The following SAMD4B variants were observed in gnomAD, a reference collection of about 807,000 sequenced individuals.
SAMD4B encodes the protein protein Smaug homolog 2.
In SAMD4B, 5 loss-of-function variants were observed where a neutral mutation model predicts 74.5. The ratio of observed to expected loss-of-function variants is 0.07; its 90% confidence interval spans 0.04 to 0.14. The LOEUF (loss-of-function observed/expected upper bound fraction) is 0.14, where lower values mean the gene tolerates loss of function less well. SAMD4B is among the 10% of genes least tolerant of loss of function. SAMD4B has a pLI of 1.00. For synonymous variants in SAMD4B, 373 were observed against 374.9 expected, an observed-to-expected ratio of 1.00 and a Z score of 0.06; for missense variants, 608 against 921.8, an observed-to-expected ratio of 0.66 and a Z score of 4.41.
At chr19:39,355,887 A>G (rs981837611) in intron 2 of SAMD4B, among the ~76,000 whole-genome samples, 4 of 152,172 alleles carry the variant, frequency 2.6e-5, no homozygotes, top group African/African-American at 4.8e-5. Flanking sequence ...GGACTTCCCA[A>G]CCAGAGAGTT....
At position 39,383,398 on chromosome 19, in the gene SAMD4B, TC is replaced by T; in HGVS notation, c.2057-99del. On this transcript the variant is annotated intron_variant, in intron 13 of 13. Coordinates refer to ENST00000610417, the MANE Select transcript of SAMD4B (RefSeq NM_001384574.2). This position sits in a 1 kb window ranked among gnomAD's most constrained non-coding sequence, Gnocchi z 4.1. ...GAGGGGTCCCCAGGGGAGGCCAGAC[TC>T]CAGGGAGGGCCTGACTGGGATGACA... 6.4e-7 allele frequency: 1 copy of T among 1,567,372 alleles called. No homozygotes were observed. Among genetic ancestry groups the T allele is most frequent in the East Asian group, 2.2e-5 (1 of 44,614 alleles).
At chr19:39,347,098 G>C (rs1248437457) in intron 1 of SAMD4B, among the ~76,000 whole-genome samples, 2 of 152,192 alleles carry the variant, frequency 1.3e-5, no homozygotes, top group Non-Finnish European at 2.9e-5. Context: ...TTACTGGAAA[G>C]TCCAGAGCTA....
chr19:39,343,702 G>T (rs2075488574), intron 1 of SAMD4B, among the ~76,000 whole-genome samples: 1 of 151,508 alleles, frequency 6.6e-6, no homozygotes, highest in African/African-American at 2.4e-5. Context: ...AATCTCCAGA[G>T]GACTCTCAGC....
chr19:39,359,379 G>A (rs973640885), intron 3 of SAMD4B, among the ~76,000 whole-genome samples: 1 of 152,200 alleles, frequency 6.6e-6, no homozygotes, highest in African/African-American at 2.4e-5. Flanking sequence ...AGGTGAAAGT[G>A]AGGTTTTTCT....
At chr19:39,346,923 A>G (rs754120968) in intron 1 of SAMD4B, among the ~76,000 whole-genome samples, 8 of 152,200 alleles carry the variant, frequency 5.3e-5, no homozygotes, top group Non-Finnish European at 1.2e-4. Context: ...AAATAAGTTA[A>G]TACATGTAAA....
chr19:39,358,772 C>T (rs1212005022), intron 3 of SAMD4B, among the ~76,000 whole-genome samples: 1 of 152,156 alleles, frequency 6.6e-6, no homozygotes, highest in East Asian at 1.9e-4. Context: ...CTCACAACAA[C>T]CCCATGAGGT....
downstream of SAMD4B, chr19:39,386,881 G>T: frequency 3.2e-6 from 3 of 935,056 alleles, no homozygotes; most frequent in Non-Finnish European, 3.5e-6. The surrounding 1 kb of genome is among the most constrained non-coding windows in gnomAD (Gnocchi z 6.1). Context: ...CCAGTGAGGG[G>T]TCTGGTCTGA....
chr19:39,354,763 A>G (rs2076248627), intron 2 of SAMD4B, among the ~76,000 whole-genome samples: 1 of 152,228 alleles, frequency 6.6e-6, no homozygotes, highest in African/African-American at 2.4e-5. Flanking sequence ...TTCTAGGGGA[A>G]GACAGTTCCA....
At chr19:39,370,218 AGT>A in intron 4 of SAMD4B, 93 bp downstream of exon 4, 1 of 1,258,728 alleles carries the variant, frequency 7.9e-7, no homozygotes. Context: ...GCATTAGACA[AGT>A]CACATAAGCT....
intron 3 of SAMD4B, among the ~76,000 whole-genome samples, chr19:39,362,374 G>A (rs922638671): frequency 5.9e-5 from 9 of 152,106 alleles, no homozygotes; most frequent in South Asian, 2.1e-4. Flanking sequence ...GTGGGGAGTC[G>A]GGGCTTATAG....
chr19:39,384,915 A>AC lies in SAMD4B; in HGVS notation c.*1388_*1389insC, dbSNP rs2078203948. The AC allele has an allele frequency of 6.6e-6, 1 of 152,460 alleles. No homozygotes were observed. Among genetic ancestry groups the AC allele is most frequent in the African/African-American group, 2.4e-5 (1 of 41,404 alleles). 9.4% of individuals were successfully genotyped at this position (152,460 alleles called of 1,614,324 possible). On this transcript the variant is annotated 3_prime_UTR_variant, in exon 14 of 14. Transcript: ENST00000610417. Reference sequence around the variant, plus strand: ...GTTGGGAAAAAAACAAAAAAAACAAAAAAAAAAAAAATTTTAAAACCACCA... The same window carrying AC: ...GTTGGGAAAAAAACAAAAAAAACAAACAAAAAAAAAAATTTTAAAACCACCA...
At chr19:39,359,520 C>G (rs138716737) in intron 3 of SAMD4B, among the ~76,000 whole-genome samples, 25 of 152,290 alleles carry the variant, frequency 1.6e-4, no homozygotes, top group African/African-American at 5.5e-4. Flanking sequence ...TGCATATTAA[C>G]CAGTTTGGTT....
intron 1 of SAMD4B, among the ~76,000 whole-genome samples, chr19:39,342,847 G>C (rs1450528967): frequency 6.6e-6 from 1 of 151,742 alleles, no homozygotes; most frequent in Admixed American, 6.6e-5. Flanking sequence ...GGGCCGGGCC[G>C]GGGGCCTCTC....
intron 1 of SAMD4B, among the ~76,000 whole-genome samples, chr19:39,352,765 G>A (rs1056934263): frequency 1.3e-5 from 2 of 151,494 alleles, no homozygotes; most frequent in African/African-American, 4.9e-5. Flanking sequence ...TGGGTGGAGG[G>A]GGGGAACAGT....
At chr19:39,346,051 C>T (rs573928434) in intron 1 of SAMD4B, among the ~76,000 whole-genome samples, 59 of 152,220 alleles carry the variant, frequency 3.9e-4, no homozygotes, top group African/African-American at 1.4e-3. Context: ...AGTCTGGAGC[C>T]TCCACAGAGC....
chr19:39,364,691 C>T (rs1335996786), intron 3 of SAMD4B, among the ~76,000 whole-genome samples: 2 of 152,134 alleles, frequency 1.3e-5, no homozygotes, highest in African/African-American at 4.8e-5. Flanking sequence ...TCGTTTGATC[C>T]AGTGCCAGGT....
intron 1 of SAMD4B, chr19:39,351,464 G>T (rs1171025403): frequency 1.3e-5 from 2 of 152,178 alleles, no homozygotes; most frequent in Non-Finnish European, 2.9e-5. Context: ...TTGGTCACAT[G>T]AGGACAAAGA....
chr19:39,388,272 C>A (rs1600609910), downstream of SAMD4B: 51 of 1,554,164 alleles, frequency 3.3e-5, no homozygotes, highest in East Asian at 1.1e-3. Context: ...TCCAAGGTGG[C>A]TCTTGCATGC....
At chr19:39,348,540 G>A (rs538329732) in intron 1 of SAMD4B, among the ~76,000 whole-genome samples, 11 of 152,300 alleles carry the variant, frequency 7.2e-5, no homozygotes, top group Admixed American at 4.6e-4. Flanking sequence ...GTGAGGGAGA[G>A]GGGTGAGGGT....
Sources: allele counts gnomAD v4.1 joint callset (sites outside exome capture counted in the v4.1 genomes callset), GRCh38; gene constraint gnomAD v4.1.1; non-coding constraint Gnocchi (gnomAD v3.1); transcripts MANE v1.5; gene names NCBI Gene and HGNC (gene_info 2026-07-23, HGNC 2026-07-21).